The following GABRB2 variants were observed in gnomAD, a reference collection of about 807,000 sequenced individuals.
The protein encoded by GABRB2 is gamma-aminobutyric acid receptor subunit beta-2.
Under a neutral mutation model 54.7 loss-of-function variants are expected in GABRB2, and 16 were observed. That is an observed-to-expected ratio of 0.29 (90% CI 0.20 to 0.44). The LOEUF is 0.44. Ranked by LOEUF, GABRB2 falls within the 20% of genes least tolerant of loss-of-function variation. GABRB2 has a pLI of 1.00. For missense variants in GABRB2, 355 were observed against 644.0 expected, an observed-to-expected ratio of 0.55 and a Z score of 4.86; for synonymous variants, 244 against 233.8, an observed-to-expected ratio of 1.04 and a Z score of -0.40.
intron 4 of GABRB2, among the ~76,000 whole-genome samples, chr5:161,427,189 T>C (rs1757025309): frequency 6.6e-6 from 1 of 152,180 alleles, no homozygotes; most frequent in South Asian, 2.1e-4. Flanking sequence ...GAACTCTGTC[T>C]AACTGGAGAA....
At chr5:161,516,392 C>T (rs1759949203) in intron 3 of GABRB2, among the ~76,000 whole-genome samples, 1 of 150,456 alleles carries the variant, frequency 6.6e-6, no homozygotes, top group Non-Finnish European at 1.5e-5. Context: ...TGTGAGTTCG[C>T]CTTGCCTTCA....
At chr5:161,298,867 T>C (rs1318242171) in intron 9 of GABRB2, among the ~76,000 whole-genome samples, 1 of 152,188 alleles carries the variant, frequency 6.6e-6, no homozygotes, top group Non-Finnish European at 1.5e-5. Context: ...ACTGATCTCA[T>C]GTGTGGAAAA....
chr5:161,314,356 C>T (rs4640839), intron 9 of GABRB2, among the ~76,000 whole-genome samples: 1 of 152,294 alleles, frequency 6.6e-6, no homozygotes, highest in Middle Eastern at 3.4e-3. Flanking sequence ...GCAGTAGAAG[C>T]TAGCAGAAGT....
At chr5:161,385,238 T>G (rs969697942) in intron 5 of GABRB2, among the ~76,000 whole-genome samples, 6 of 152,174 alleles carry the variant, frequency 3.9e-5, no homozygotes, top group African/African-American at 1.4e-4. Flanking sequence ...CATCTCTACA[T>G]ACTCTGCACA....
At chr5:161,474,113 T>C (rs948986452) in intron 3 of GABRB2, among the ~76,000 whole-genome samples, 1 of 151,948 alleles carries the variant, frequency 6.6e-6, no homozygotes, top group African/African-American at 2.4e-5. Context: ...AGAGCAGGGA[T>C]GGATTGGGAA....
chr5:161,307,674 T>A (rs1757727974), intron 9 of GABRB2, among the ~76,000 whole-genome samples: 1 of 152,064 alleles, frequency 6.6e-6, no homozygotes, highest in African/African-American at 2.4e-5. Context: ...AAAATCATAT[T>A]CTTTTTGGTG....
rs545755099 is a variant in GABRB2, at chr5:161,347,451, G to T, written c.542-10682C>A. 1.7e-4 allele frequency among the ~76,000 whole-genome samples: 26 copies of T among 152,198 alleles called. No homozygotes were observed. The East Asian group carries it at 4.6e-3, about 27-fold the overall frequency. ...CTCTACTTTGTAATGTGACTTTGCA[G>T]CTCCCCGCATGCAGAGGTAGAGTAT... On this transcript the variant is annotated intron_variant, in intron 5 of 9. Transcript: ENST00000393959.
intron 3 of GABRB2, among the ~76,000 whole-genome samples, chr5:161,539,507 A>G (rs1760747453): frequency 6.6e-6 from 1 of 152,256 alleles, no homozygotes; most frequent in Non-Finnish European, 1.5e-5. Flanking sequence ...AGCTACTATA[A>G]CTAGCCAAGT....
chr5:161,309,062 A>T (rs2113359927), intron 9 of GABRB2, among the ~76,000 whole-genome samples: 1 of 152,352 alleles, frequency 6.6e-6, no homozygotes, highest in Middle Eastern at 3.4e-3. Flanking sequence ...CTATCAACAG[A>T]GTAAACAACT....
At chr5:161,438,337 T>G (rs545934473) in intron 4 of GABRB2, among the ~76,000 whole-genome samples, 2 of 152,318 alleles carry the variant, frequency 1.3e-5, no homozygotes, top group African/African-American at 4.8e-5. Context: ...ACATCATTAC[T>G]GGACTTGAGG....
At chr5:161,418,860 C>A (rs1316646025) in intron 4 of GABRB2, among the ~76,000 whole-genome samples, 1 of 152,162 alleles carries the variant, frequency 6.6e-6, no homozygotes, top group Non-Finnish European at 1.5e-5. Context: ...AGTGCTATGG[C>A]TCACACCTAT....
rs1475914582 is a variant in GABRB2, at chr5:161,290,985, G to A, written c.*3096C>T. The stretch of plus-strand genomic sequence containing the variant: ...CACTGCTTTTGAAGAAATGAGAAGA[G>A]AAAAGGTCTAGATGGCACTGCTTGA... On this transcript the variant is annotated 3_prime_UTR_variant, in exon 10 of 10. Transcript: ENST00000393959. 1 of 152,532 alleles carries A rather than the reference G, an allele frequency of 6.6e-6. No homozygotes were observed. Among genetic ancestry groups the A allele is most frequent in the Non-Finnish European group, 1.5e-5 (1 of 67,988 alleles). 9.4% of individuals were successfully genotyped at this position (152,532 alleles called of 1,614,324 possible). A position where few individuals can be genotyped will look rare whatever the true frequency, so the allele number is the denominator to read the frequency against.
chr5:161,435,841 A>C (rs1340905536), intron 4 of GABRB2, among the ~76,000 whole-genome samples: 2 of 152,208 alleles, frequency 1.3e-5, no homozygotes, highest in African/African-American at 4.8e-5. Flanking sequence ...TATATCAGCA[A>C]AACTTCTTGC....
At position 161,292,663 on chromosome 5, in the gene GABRB2, A is replaced by G. The variant is rs533109694; in HGVS notation, c.*1418T>C. On this transcript the variant is annotated 3_prime_UTR_variant, in exon 10 of 10. Transcript: ENST00000393959. ...TTGTTATTATTTTCCACTAGTTTTC[A>G]TATTTTCCTTGATTAGGCAGATTGC... The G allele has an allele frequency of 7.9e-5, 12 of 152,346 alleles. No homozygotes were observed. Among genetic ancestry groups the G allele is most frequent in the African/African-American group, 2.9e-4 (12 of 41,590 alleles). 9.4% of individuals were successfully genotyped at this position (152,346 alleles called of 1,614,324 possible).
intron 3 of GABRB2, among the ~76,000 whole-genome samples, chr5:161,484,824 C>T (rs1758869187): frequency 6.6e-6 from 1 of 151,898 alleles, no homozygotes; most frequent in African/African-American, 2.4e-5. Flanking sequence ...CACACTTTTG[C>T]TAAAGACAGC....
intron 5 of GABRB2, among the ~76,000 whole-genome samples, chr5:161,381,519 A>C (rs534533620): frequency 1.6e-3 from 241 of 152,282 alleles, no homozygotes; most frequent in Non-Finnish European, 2.8e-3. Flanking sequence ...CATTTATTAC[A>C]TGTAGAGATG....
intron 8 of GABRB2, chr5:161,330,197 T>C (rs1346227447): frequency 1.3e-5 from 2 of 152,238 alleles, no homozygotes; most frequent in Non-Finnish European, 2.9e-5. Flanking sequence ...TTTGTGGGAA[T>C]CTTTGACCAT....
rs371685621 is a variant in GABRB2 at position 161,546,428 on chromosome 5, G to T, written c.78-15C>A. On this transcript the variant is annotated splice_polypyrimidine_tract_variant and intron_variant, in intron 1 of 9. Transcript: ENST00000393959. ...GGTCATTGACACTAAAGAAAGAAATGACAATAAGCAGGCATCAATAAGGAA... is the reference window on the plus strand; with the variant it reads ...GGTCATTGACACTAAAGAAAGAAATTACAATAAGCAGGCATCAATAAGGAA... The T allele has an allele frequency of 5.6e-6, 9 of 1,609,212 alleles. No individual in the cohort carries two copies. The highest frequency in any genetic ancestry group is 2.7e-5 in the African/African-American group (2 of 74,812).
chr5:161,398,100 CA>C, intron 5 of GABRB2, among the ~76,000 whole-genome samples: 1 of 152,238 alleles, frequency 6.6e-6, no homozygotes, highest in South Asian at 2.1e-4. Context: ...ATAATTTGCA[CA>C]AAGTACCGAA....
Sources: allele counts gnomAD v4.1 joint callset (sites outside exome capture counted in the v4.1 genomes callset), GRCh38; gene constraint gnomAD v4.1.1; transcripts MANE v1.5; gene names NCBI Gene and HGNC (gene_info 2026-07-23, HGNC 2026-07-21).